EPB41L2: variants seen among roughly 807,000 people sequenced by gnomAD.
EPB41L2 encodes the protein band 4.1-like protein 2.
In EPB41L2, 43 loss-of-function variants were observed where a neutral mutation model predicts 113.0. The observed-to-expected ratio is 0.38, with a 90% CI of 0.30 to 0.49. The LOEUF (loss-of-function observed/expected upper bound fraction) is 0.49, where lower values mean the gene tolerates loss of function less well. Ranked by LOEUF, EPB41L2 falls within the 20% of genes least tolerant of loss-of-function variation. The pLI, the probability that EPB41L2 is intolerant of heterozygous loss-of-function variation, is 0.95. For missense variants in EPB41L2, 1,147 were observed against 1,223.4 expected (o/e 0.94, Z 0.93); for synonymous variants, 442 against 436.7 (o/e 1.01, Z -0.15).
intron 11 of EPB41L2, among the ~76,000 whole-genome samples, chr6:130,888,349 C>T (rs894975942): frequency 1.3e-5 from 2 of 152,164 alleles, no homozygotes; most frequent in African/African-American, 4.8e-5. Context: ...GCCTCCAAAA[C>T]ACAAAGAGAA....
rs552336225 is a variant in EPB41L2, at chr6:130,940,772, AAT to A, written c.706-14065_706-14064del. 3.3e-5 allele frequency among the ~76,000 whole-genome samples: 5 copies of A among 152,240 alleles called. No homozygotes were observed. In the South Asian group the frequency reaches 1.0e-3, roughly 32 times the overall value. ...GCATAAGCCAGCGTGCTCAGCCCTAAATATATCATTCTTTGAAATCCAAAAGT... is the reference window on the plus strand; with the variant it reads ...GCATAAGCCAGCGTGCTCAGCCCTAAATATCATTCTTTGAAATCCAAAAGT... On this transcript the variant is annotated intron_variant, in intron 3 of 19. Coordinates refer to ENST00000337057, the MANE Select transcript of EPB41L2 (RefSeq NM_001431.4).
intron 1 of EPB41L2, among the ~76,000 whole-genome samples, chr6:130,974,717 C>CTTTTTTTTTTTTTTTTTTTTTTTTTTTTT (rs71030723): frequency 1.5e-5 from 1 of 64,642 alleles, no homozygotes; most frequent in Non-Finnish European, 2.7e-5. Flanking sequence ...CTTTTCTTTT[C>CTTTTTTTTTTTTTTTTTTTTTTTTTTTTT]TTTTTTTTTT....
At chr6:131,022,337 T>G (rs1209989254) in intron 1 of EPB41L2, among the ~76,000 whole-genome samples, 3 of 152,160 alleles carry the variant, frequency 2.0e-5, no homozygotes, top group African/African-American at 7.2e-5. Context: ...TCCTGTCACA[T>G]GGTAACGTGA....
chr6:130,890,563 C>T, intron 10 of EPB41L2, 97 bp from the exon 11 acceptor site: 1 of 1,352,838 alleles, frequency 7.4e-7, no homozygotes. Context: ...TATGTACTTT[C>T]ATATCTCATT....
rs372218647 is a variant in EPB41L2, at chr6:131,028,346, C to T, written c.-15+34809G>A. Among the ~76,000 whole-genome samples the T allele has an allele frequency of 1.2e-4, 18 of 152,186 alleles. No individual in the cohort carries two copies. In the South Asian group the frequency reaches 1.9e-3, roughly 16 times the overall value. ...CTGGCCATGTTCTATTTATTTGTCA[C>T]GAATGGATTGGGTCATCCCTTAGTG... On this transcript the variant is annotated intron_variant, in intron 1 of 19. Transcript: ENST00000337057.
At chr6:130,877,588 T>C (rs1787972449) in intron 14 of EPB41L2, among the ~76,000 whole-genome samples, 1 of 152,210 alleles carries the variant, frequency 6.6e-6, no homozygotes, top group Non-Finnish European at 1.5e-5. Context: ...CATTTCATTA[T>C]AAGGAAGTTT....
chr6:130,975,563 C>G (rs554754992), intron 1 of EPB41L2, among the ~76,000 whole-genome samples: 4 of 152,270 alleles, frequency 2.6e-5, no homozygotes, highest in Admixed American at 2.0e-4. Flanking sequence ...ATCAATATCA[C>G]AGAAAAGACA....
intron 1 of EPB41L2, among the ~76,000 whole-genome samples, chr6:131,040,325 G>A (rs1490369957): frequency 6.6e-6 from 1 of 152,178 alleles, no homozygotes; most frequent in Non-Finnish European, 1.5e-5. Context: ...TGTAATCCCA[G>A]CTGCTTGGGA....
intron 1 of EPB41L2, among the ~76,000 whole-genome samples, chr6:131,056,597 C>G (rs1217374154): frequency 2.0e-5 from 3 of 152,204 alleles, no homozygotes; most frequent in Admixed American, 6.5e-5. Context: ...AAAAAATCTG[C>G]TTACCACATA....
At chr6:130,900,519 T>C (rs1455056642) in intron 7 of EPB41L2, among the ~76,000 whole-genome samples, 1 of 152,222 alleles carries the variant, frequency 6.6e-6, no homozygotes, top group Non-Finnish European at 1.5e-5. Context: ...TTTCAGTTAC[T>C]ATTCCTACGT....
chr6:130,884,361 A>C (rs1790252830), intron 12 of EPB41L2, among the ~76,000 whole-genome samples: 2 of 152,158 alleles, frequency 1.3e-5, no homozygotes, highest in Non-Finnish European at 2.9e-5. Flanking sequence ...ATAAAATAGA[A>C]AACACTATGA....
At chr6:131,017,723 G>C (rs1584544991) in intron 1 of EPB41L2, among the ~76,000 whole-genome samples, 2 of 152,104 alleles carry the variant, frequency 1.3e-5, no homozygotes, top group East Asian at 3.9e-4. Context: ...TAGCTAGTAT[G>C]GTATGGTCAG....
intron 19 of EPB41L2, among the ~76,000 whole-genome samples, chr6:130,849,331 A>T (rs1778070117): frequency 6.6e-6 from 1 of 152,238 alleles, no homozygotes; most frequent in Non-Finnish European, 1.5e-5. Flanking sequence ...GGCCAAAACA[A>T]AAAACAAAAC....
intron 11 of EPB41L2, among the ~76,000 whole-genome samples, chr6:130,888,452 C>A (rs1791748272): frequency 6.6e-6 from 1 of 152,162 alleles, no homozygotes; most frequent in Non-Finnish European, 1.5e-5. Flanking sequence ...GCACTAACTG[C>A]CCATACAAGA....
intron 1 of EPB41L2, among the ~76,000 whole-genome samples, chr6:131,038,293 C>T (rs1200836957): frequency 6.6e-6 from 1 of 151,940 alleles, no homozygotes; most frequent in Non-Finnish European, 1.5e-5. Context: ...TAAGAAACAC[C>T]AAGCCTGTAG....
In EPB41L2 at chr6:130,848,722, T is replaced by G. The variant is rs9375778; in HGVS notation, c.*6-8124A>C. On this transcript the variant is annotated intron_variant, in intron 19 of 19. Transcript: ENST00000337057. The stretch of plus-strand genomic sequence containing the variant: ...TGTAATCCTCGTAAGGACAGGAGTA[T>G]CTTTACAAAAACACACACATACACA... Among the ~76,000 whole-genome samples, 170 of 152,290 alleles carry G rather than the reference T, an allele frequency of 1.1e-3. 4 individuals carry two copies. The East Asian group carries it at 0.031, about 28-fold the overall frequency.
intron 4 of EPB41L2, among the ~76,000 whole-genome samples, chr6:130,917,349 C>T (rs1175366465): frequency 6.6e-6 from 1 of 152,220 alleles, no homozygotes; most frequent in Non-Finnish European, 1.5e-5. Flanking sequence ...TCCATCTACA[C>T]ACCATCCAAC....
intron 1 of EPB41L2, among the ~76,000 whole-genome samples, chr6:130,957,662 G>A (rs1432484206): frequency 1.3e-5 from 2 of 151,098 alleles, no homozygotes; most frequent in East Asian, 3.9e-4. Flanking sequence ...AACTTTTTAA[G>A]TGGTACAAAC....
At chr6:130,871,858 G>A (rs1478396570) in intron 14 of EPB41L2, among the ~76,000 whole-genome samples, 1 of 152,150 alleles carries the variant, frequency 6.6e-6, no homozygotes, top group African/African-American at 2.4e-5. Context: ...TATTATTATA[G>A]ATCAGTGAAT....
Sources: gnomAD v4.1 joint callset for allele counts (sites outside exome capture counted in the v4.1 genomes callset) on GRCh38, gnomAD v4.1.1 for gene constraint, MANE v1.5 for transcripts, NCBI Gene and HGNC (gene_info 2026-07-23, HGNC 2026-07-21) for gene names.